Variants in CEP63 observed in about 807,000 individuals in gnomAD.
CEP63 encodes centrosomal protein of 63 kDa.
A neutral mutation model predicts 89.1 loss-of-function variants in CEP63; 84 were observed. The observed-to-expected ratio is 0.94, with a 90% CI of 0.79 to 1.13. The LOEUF (loss-of-function observed/expected upper bound fraction) is 1.13. CEP63 is among the 50% of genes most tolerant of loss of function. The pLI is 0.00. For missense variants in CEP63, 838 were observed against 813.3 expected (o/e 1.03, Z -0.37); for synonymous variants, 267 against 272.5 (o/e 0.98, Z 0.20).
chr3:134,523,007 C>T (rs1322677456), intron 3 of CEP63, among the ~76,000 whole-genome samples: 1 of 152,134 alleles, frequency 6.6e-6, no homozygotes, highest in Non-Finnish European at 1.5e-5. Flanking sequence ...AACTAATTTA[C>T]ACTTCCACCA....
In CEP63 at chr3:134,537,152, C is replaced by G. The variant is rs1198586514; in HGVS notation, c.442-3C>G. 8 of 1,602,024 alleles carry G rather than the reference C, an allele frequency of 5.0e-6. No individual in the cohort carries two copies. Among genetic ancestry groups the G allele is most frequent in the Non-Finnish European group, 6.8e-6 (8 of 1,169,030 alleles). ...AAATTAAGTACTCTAATTGCCTCCTCAGGAATTCCGTCAGAAATCGCTGGA... is the reference window on the plus strand; with the variant it reads ...AAATTAAGTACTCTAATTGCCTCCTGAGGAATTCCGTCAGAAATCGCTGGA... On this transcript the variant is annotated splice_polypyrimidine_tract_variant and splice_region_variant and intron_variant, in intron 5 of 14. Coordinates refer to ENST00000675561, the MANE Select transcript of CEP63 (RefSeq NM_001353108.3).
the CEP63 span, among the ~76,000 whole-genome samples, chr3:134,703,649 G>A: frequency 6.6e-6 from 1 of 152,230 alleles, no homozygotes; most frequent in African/African-American, 2.4e-5. Flanking sequence ...TGGGAGGAGG[G>A]AGAAGATCAA....
downstream of CEP63, among the ~76,000 whole-genome samples, chr3:134,565,664 C>G (rs766626687): frequency 6.6e-6 from 1 of 151,516 alleles, no homozygotes; most frequent in Non-Finnish European, 1.5e-5. Context: ...ACTAATGAAT[C>G]TAGTTGTCCA....
At chr3:134,582,369 C>T (rs565385435) in intron 10 of CEP63, among the ~76,000 whole-genome samples, 1 of 152,130 alleles carries the variant, frequency 6.6e-6, no homozygotes, top group East Asian at 1.9e-4. Flanking sequence ...GTGATGTTCC[C>T]CAGCCTGTGT....
chr3:134,513,254 T>C (rs547578589), intron 3 of CEP63, among the ~76,000 whole-genome samples: 3 of 152,232 alleles, frequency 2.0e-5, no homozygotes, highest in Non-Finnish European at 4.4e-5. Context: ...ATTTCTATTT[T>C]GATAGAGCAT....
chr3:134,689,336 A>G, the CEP63 span, among the ~76,000 whole-genome samples: 1 of 152,208 alleles, frequency 6.6e-6, no homozygotes, highest in East Asian at 1.9e-4. Context: ...GCAGGTAGCA[A>G]GATGAGAATT....
chr3:134,526,357 C>A (rs2108885986), intron 3 of CEP63, among the ~76,000 whole-genome samples: 1 of 152,222 alleles, frequency 6.6e-6, no homozygotes, highest in South Asian at 2.1e-4. Flanking sequence ...AGTCTTCAGG[C>A]TCTGAGATTT....
At chr3:134,558,900 G>C (rs780738115) in intron 13 of CEP63, among the ~76,000 whole-genome samples, 35 of 152,118 alleles carry the variant, frequency 2.3e-4, no homozygotes, top group Non-Finnish European at 4.3e-4. Context: ...AACCACACTA[G>C]ATTACTCTGG....
chr3:134,498,602 A>T (rs1247739315), intron 2 of CEP63, among the ~76,000 whole-genome samples: 2 of 151,948 alleles, frequency 1.3e-5, no homozygotes, highest in Non-Finnish European at 2.9e-5. Flanking sequence ...GTTGAATGGG[A>T]GTGGTGGAAG....
the CEP63 span, among the ~76,000 whole-genome samples, chr3:134,643,888 G>A: frequency 2.9e-4 from 44 of 151,186 alleles, no homozygotes; most frequent in African/African-American, 1.0e-3. Flanking sequence ...GTGCAGTGGC[G>A]CGATCTCTGC....
At chr3:134,627,840 A>G in the CEP63 span, 58 of 1,592,672 alleles carry the variant, frequency 3.6e-5, no homozygotes, top group Middle Eastern at 1.5e-3. Flanking sequence ...CAAAGATCAG[A>G]AGTATAGATA....
the CEP63 span, among the ~76,000 whole-genome samples, chr3:134,616,313 A>C: frequency 6.6e-6 from 1 of 152,330 alleles, no homozygotes; most frequent in Admixed American, 6.5e-5. Context: ...TTACTTTATT[A>C]AATCAGTCTT....
the CEP63 span, among the ~76,000 whole-genome samples, chr3:134,655,391 T>G: frequency 1.3e-5 from 2 of 152,242 alleles, no homozygotes; most frequent in Non-Finnish European, 2.9e-5. Flanking sequence ...GGCTGCAGCC[T>G]GTTTGGCAGG....
chr3:134,607,733 C>A, the CEP63 span: 1 of 985,786 alleles, frequency 1.0e-6, no homozygotes, highest in African/African-American at 1.7e-5. Context: ...GCCATGGCTC[C>A]GTGGTGAAGG....
chr3:134,597,331 GC>G, the CEP63 span, among the ~76,000 whole-genome samples: 45 of 152,258 alleles, frequency 3.0e-4, no homozygotes, highest in African/African-American at 1.1e-3. Context: ...CTATGTAGAG[GC>G]CGCTGTCCCT....
chr3:134,664,670 T>TA, the CEP63 span, among the ~76,000 whole-genome samples: 2 of 131,014 alleles, frequency 1.5e-5, no homozygotes, highest in African/African-American at 6.0e-5. Context: ...TTAAGCAGTT[T>TA]TGTGTGTGTG....
At chr3:134,668,321 T>C in the CEP63 span, among the ~76,000 whole-genome samples, 1 of 152,178 alleles carries the variant, frequency 6.6e-6, no homozygotes, top group Admixed American at 6.5e-5. Context: ...TGACCTACTG[T>C]TTCTTGTGCA....
the CEP63 span, among the ~76,000 whole-genome samples, chr3:134,771,788 T>A: frequency 6.6e-6 from 1 of 152,138 alleles, no homozygotes. Flanking sequence ...ACTTAAAGTA[T>A]ATTTTTTTTA....
At chr3:134,698,274 G>A in the CEP63 span, among the ~76,000 whole-genome samples, 1 of 152,222 alleles carries the variant, frequency 6.6e-6, no homozygotes, top group African/African-American at 2.4e-5. Flanking sequence ...CCAAATATAG[G>A]TACCTGGACA....
Sources: allele counts gnomAD v4.1 joint callset (sites outside exome capture counted in the v4.1 genomes callset), GRCh38; gene constraint gnomAD v4.1.1; transcripts MANE v1.5; gene names NCBI Gene and HGNC (gene_info 2026-07-23, HGNC 2026-07-21).